The following CATSPERB variants were observed in gnomAD, a reference collection of about 807,000 sequenced individuals.
CATSPERB encodes cation channel sperm-associated auxiliary subunit beta.
In CATSPERB, 93 loss-of-function variants were observed where a neutral mutation model predicts 128.3. The observed-to-expected ratio is 0.72, with a 90% CI of 0.61 to 0.86. The LOEUF (loss-of-function observed/expected upper bound fraction) is 0.86, where lower values mean the gene tolerates loss of function less well. Ranked by LOEUF, CATSPERB falls within the 40% of genes least tolerant of loss-of-function variation. The pLI, the probability that CATSPERB is intolerant of heterozygous loss-of-function variation, is 0.00. For synonymous variants in CATSPERB, 381 were observed against 448.8 expected (o/e 0.85, Z 1.91); for missense variants, 1,153 against 1,329.5 (o/e 0.87, Z 2.06).
In CATSPERB at chr14:91,725,506, A is replaced by G. The variant is rs188852442; in HGVS notation, c.80-338T>C. 5.2e-3 allele frequency among the ~76,000 whole-genome samples: 790 copies of G among 152,304 alleles called. 7 individuals carry two copies. The highest frequency in any genetic ancestry group is 0.018 in the African/African-American group (738 of 41,554). ...GATCCAGAATCAGCAACTGCAGAGA[A>G]AATTTGTGTTTTGATAGAGAGGTAC... On this transcript the variant is annotated intron_variant, in intron 2 of 26. Coordinates refer to ENST00000256343, the MANE Select transcript of CATSPERB (RefSeq NM_024764.4).
At chr14:91,685,947 C>T (rs142996713) in intron 10 of CATSPERB, among the ~76,000 whole-genome samples, 78 of 152,286 alleles carry the variant, frequency 5.1e-4, no homozygotes, top group African/African-American at 1.6e-3. Context: ...TTGCTGTTGC[C>T]ACTAAACAGA....
At position 91,722,642 on chromosome 14, in the gene CATSPERB, G is replaced by T. The variant is rs1896054262; in HGVS notation, c.309+407C>A. ...CTATTTAAGTGCACACTTTAAATGA[G>T]TGAACTGTATGGAATTATATCTTAA... On this transcript the variant is annotated intron_variant, in intron 4 of 26. Coordinates refer to ENST00000256343, the MANE Select transcript of CATSPERB (RefSeq NM_024764.4). Among the ~76,000 whole-genome samples the T allele has an allele frequency of 2.6e-5, 4 of 152,248 alleles. No homozygotes were observed. In the South Asian group the frequency reaches 8.3e-4, roughly 32 times the overall value.
At chr14:91,592,070 A>G (rs2139760549) in intron 22 of CATSPERB, 68 bp from the exon 23 acceptor site, 2 of 923,758 alleles carry the variant, frequency 2.2e-6, no homozygotes, top group East Asian at 2.4e-5. Context: ...ACTGATAAAT[A>G]TCTAATAAAT....
chr14:91,713,813 C>A (rs760943567), intron 5 of CATSPERB, among the ~76,000 whole-genome samples: 1 of 152,088 alleles, frequency 6.6e-6, no homozygotes, highest in African/African-American at 2.4e-5. Context: ...CTCATCCCAA[C>A]TCATTTTATA....
At chr14:91,706,101 T>G (rs763774131) in intron 6 of CATSPERB, among the ~76,000 whole-genome samples, 1 of 152,180 alleles carries the variant, frequency 6.6e-6, no homozygotes, top group African/African-American at 2.4e-5. Context: ...CTCCTCTGTC[T>G]CCCCAACTTT....
chr14:91,640,202 A>C (rs1894465611), intron 15 of CATSPERB, among the ~76,000 whole-genome samples: 1 of 151,138 alleles, frequency 6.6e-6, no homozygotes, highest in African/African-American at 2.4e-5. Context: ...CAGCTGCATT[A>C]TTGCTGTTGC....
chr14:91,700,273 T>A, intron 7 of CATSPERB, among the ~76,000 whole-genome samples: 1 of 152,232 alleles, frequency 6.6e-6, no homozygotes, highest in East Asian at 1.9e-4. Context: ...ATTCTTTTTT[T>A]ATGACTGCAT....
chr14:91,648,916 C>G (rs1423006113), intron 15 of CATSPERB, among the ~76,000 whole-genome samples: 1 of 151,966 alleles, frequency 6.6e-6, no homozygotes, highest in East Asian at 1.9e-4. Flanking sequence ...GCCGCTCACC[C>G]AGACCACAAT....
chr14:91,688,740 T>G (rs1231213531), intron 10 of CATSPERB, among the ~76,000 whole-genome samples: 2 of 152,176 alleles, frequency 1.3e-5, no homozygotes, highest in Non-Finnish European at 1.5e-5. Flanking sequence ...GAAATTTTGG[T>G]ATTCAGTCCC....
chr14:91,586,958 A>G (rs569600384), intron 26 of CATSPERB, among the ~76,000 whole-genome samples: 1 of 152,360 alleles, frequency 6.6e-6, no homozygotes, highest in Non-Finnish European at 1.5e-5. Context: ...AAAAACAAAG[A>G]CAGCCACGTA....
At chr14:91,672,636 A>C (rs1333760256) in intron 13 of CATSPERB, among the ~76,000 whole-genome samples, 1 of 152,250 alleles carries the variant, frequency 6.6e-6, no homozygotes, top group Non-Finnish European at 1.5e-5. Flanking sequence ...TTAGCAAGGG[A>C]GAATCACTAT....
At chr14:91,615,660 G>GTATA (rs2139781790) in intron 20 of CATSPERB, among the ~76,000 whole-genome samples, 1 of 152,228 alleles carries the variant, frequency 6.6e-6, no homozygotes, top group Non-Finnish European at 1.5e-5. Flanking sequence ...ATTACATTGT[G>GTATA]TATATATTCC....
At chr14:91,603,539 C>T (rs1352018401) in intron 22 of CATSPERB, 10 of 761,366 alleles carry the variant, frequency 1.3e-5, no homozygotes, top group Non-Finnish European at 1.6e-5. Flanking sequence ...GGGGTGCAGG[C>T]AGAGGACCCC....
intron 19 of CATSPERB, among the ~76,000 whole-genome samples, chr14:91,619,861 T>TTGTGTGTGTGTGTGTGTGTGTGTG (rs55687285): frequency 1.4e-5 from 2 of 139,034 alleles, no homozygotes. Flanking sequence ...TGTAATAAAA[T>TTGTGTGTGTGTGTGTGTGTGTGTG]TGTGTGTGTG....
chr14:91,625,856 T>A (rs924053477), intron 17 of CATSPERB, among the ~76,000 whole-genome samples: 2 of 152,244 alleles, frequency 1.3e-5, no homozygotes, highest in Non-Finnish European at 2.9e-5. Flanking sequence ...CCGGGTGCAG[T>A]GGCTCACACC....
chr14:91,607,227 G>A (rs925894395), intron 22 of CATSPERB, among the ~76,000 whole-genome samples: 15 of 152,078 alleles, frequency 9.9e-5, no homozygotes, highest in Admixed American at 5.2e-4. Flanking sequence ...ACCTTCTCAT[G>A]GGGTCAGAAA....
At position 91,707,701 on chromosome 14, in the gene CATSPERB, C is replaced by T. The variant is rs1052155575; in HGVS notation, c.466+440G>A. Among the ~76,000 whole-genome samples the T allele has an allele frequency of 9.0e-5, 13 of 143,854 alleles. 1 individual carries two copies. Among genetic ancestry groups the T allele is most frequent in the South Asian group, 6.8e-4 (3 of 4,442 alleles). The allele number at this position is 143,854 out of a possible 152,430, so 94.4% of individuals were successfully genotyped here. A position where few individuals can be genotyped will look rare whatever the true frequency, so the allele number is the denominator to read the frequency against. ...GTAACCTCTGCCTCCTGGGTTTAAG[C>T]GATTCTCCTGCCTCAGTCTCCCAAG... On this transcript the variant is annotated intron_variant, in intron 6 of 26. Transcript: ENST00000256343.
At chr14:91,597,759 G>A (rs1893531945) in intron 22 of CATSPERB, among the ~76,000 whole-genome samples, 1 of 152,130 alleles carries the variant, frequency 6.6e-6, no homozygotes, top group South Asian at 2.1e-4. Flanking sequence ...CTTCTATGGG[G>A]CCTGAAGATG....
chr14:91,675,942 C>G (rs941672979), intron 11 of CATSPERB, among the ~76,000 whole-genome samples: 4 of 152,132 alleles, frequency 2.6e-5, no homozygotes, highest in African/African-American at 4.8e-5. Flanking sequence ...TTACGGTTTT[C>G]AATGTTATTT....
Sources: gnomAD v4.1 joint callset for allele counts (sites outside exome capture counted in the v4.1 genomes callset) on GRCh38, gnomAD v4.1.1 for gene constraint, MANE v1.5 for transcripts, NCBI Gene and HGNC (gene_info 2026-07-23, HGNC 2026-07-21) for gene names.